Variants in DCC observed in about 807,000 individuals in gnomAD.
DCC encodes netrin receptor DCC.
In DCC, 58 loss-of-function variants were observed where a neutral mutation model predicts 172.5. The ratio of observed to expected loss-of-function variants is 0.34; its 90% confidence interval spans 0.27 to 0.42. DCC has a LOEUF of 0.42. DCC is among the 10% of genes least tolerant of loss of function. The probability of loss-of-function intolerance (pLI) is 1.00; values close to 1 mark genes in which losing one functional copy is unlikely to be tolerated. For missense variants in DCC, 1,740 were observed against 1,791.0 expected (o/e 0.97, Z 0.51); for synonymous variants, 709 against 644.5 (o/e 1.10, Z -1.52).
intron 2 of DCC, among the ~76,000 whole-genome samples, chr18:52,836,858 C>T (rs2038715156): frequency 6.6e-6 from 1 of 152,254 alleles, no homozygotes; most frequent in African/African-American, 2.4e-5. Flanking sequence ...CATTTCCCTT[C>T]TATACTGCCC....
chr18:53,439,679 T>C (rs1173581058), intron 22 of DCC, among the ~76,000 whole-genome samples: 3 of 152,148 alleles, frequency 2.0e-5, no homozygotes, highest in Admixed American at 1.3e-4. Flanking sequence ...AAGCCCTTAA[T>C]TAAATGGTAG....
intron 12 of DCC, among the ~76,000 whole-genome samples, chr18:53,262,049 G>GTTA (rs2056612075): frequency 6.6e-6 from 1 of 152,148 alleles, no homozygotes; most frequent in East Asian, 1.9e-4. Flanking sequence ...CAGAAAAGTT[G>GTTA]TTTTATCTAA....
At chr18:53,121,984 A>G (rs1442130328) in intron 7 of DCC, among the ~76,000 whole-genome samples, 2 of 152,006 alleles carry the variant, frequency 1.3e-5, no homozygotes, top group Non-Finnish European at 2.9e-5. Flanking sequence ...TATTTTGAGA[A>G]AGAACACAAT....
At chr18:53,519,713 C>T (rs1423749277) in intron 27 of DCC, among the ~76,000 whole-genome samples, 20 of 151,664 alleles carry the variant, frequency 1.3e-4, no homozygotes, top group Admixed American at 1.2e-3. Flanking sequence ...CTATGAAAAG[C>T]GTTCATGTTT....
chr18:53,407,552 T>TATATATATATATATATATATATAC (rs1909740477), intron 19 of DCC, among the ~76,000 whole-genome samples: 1 of 146,006 alleles, frequency 6.8e-6, no homozygotes, highest in African/African-American at 2.5e-5. Flanking sequence ...TATATATATA[T>TATATATATATATATATATATATAC]ATATTCACTA....
intron 2 of DCC, among the ~76,000 whole-genome samples, chr18:52,868,037 A>G (rs72922230): frequency 0.34 from 45,318 of 134,692 alleles, 8,164 homozygotes; most frequent in Middle Eastern, 0.44. Flanking sequence ...ATGTGTGTAT[A>G]TATATATATA....
chr18:52,956,924 C>A (rs1202557337), intron 5 of DCC, among the ~76,000 whole-genome samples: 7 of 152,008 alleles, frequency 4.6e-5, no homozygotes, highest in Non-Finnish European at 5.9e-5. Flanking sequence ...TACACTTTTT[C>A]CAGTTGAGTT....
intron 12 of DCC, among the ~76,000 whole-genome samples, chr18:53,220,999 A>C (rs2055924026): frequency 6.6e-6 from 1 of 152,118 alleles, no homozygotes; most frequent in South Asian, 2.1e-4. Flanking sequence ...GAATCAGATA[A>C]TTTGTAAGAA....
intron 3 of DCC, among the ~76,000 whole-genome samples, chr18:52,918,757 G>T (rs2040076578): frequency 6.6e-6 from 1 of 151,936 alleles, no homozygotes; most frequent in Admixed American, 6.6e-5. Flanking sequence ...GAAAAATAAG[G>T]CAGATATCTA....
At chr18:52,817,041 G>T (rs994578346) in intron 2 of DCC, among the ~76,000 whole-genome samples, 1 of 151,802 alleles carries the variant, frequency 6.6e-6, no homozygotes, top group African/African-American at 2.4e-5. Flanking sequence ...CGCTAAAATT[G>T]GAAATAATGT....
At chr18:52,984,681 T>C (rs2041264599) in intron 5 of DCC, among the ~76,000 whole-genome samples, 1 of 152,126 alleles carries the variant, frequency 6.6e-6, no homozygotes. Flanking sequence ...TTTTGTTAGA[T>C]TAATTATAGA....
At chr18:52,576,001 T>A (rs1252063634) in intron 1 of DCC, among the ~76,000 whole-genome samples, 3 of 152,194 alleles carry the variant, frequency 2.0e-5, no homozygotes, top group African/African-American at 7.2e-5. Context: ...TCTCCAGACT[T>A]CTTCATCCTG....
At chr18:52,786,462 T>TAA (rs369854671) in intron 2 of DCC, among the ~76,000 whole-genome samples, 51 of 152,094 alleles carry the variant, frequency 3.4e-4, no homozygotes, top group African/African-American at 1.1e-3. Context: ...TCATTTTTGG[T>TAA]AAAAAAACAA....
chr18:52,567,691 G>A (rs2033191595), intron 1 of DCC, among the ~76,000 whole-genome samples: 1 of 152,092 alleles, frequency 6.6e-6, no homozygotes, highest in Non-Finnish European at 1.5e-5. Context: ...TGAGTGATGA[G>A]AAATTACTTC....
At chr18:53,148,908 G>T (rs989615825) in intron 7 of DCC, among the ~76,000 whole-genome samples, 4 of 120,582 alleles carry the variant, frequency 3.3e-5, no homozygotes, top group Admixed American at 9.0e-5. Context: ...CTGTTGCCCA[G>T]GCTGGAGTGC....
intron 13 of DCC, among the ~76,000 whole-genome samples, chr18:53,320,365 C>A (rs1329552269): frequency 1.3e-5 from 2 of 152,142 alleles, no homozygotes; most frequent in Non-Finnish European, 2.9e-5. Context: ...AGCCACCGCG[C>A]CCGGCCAAGA....
chr18:52,594,345 G>T (rs757678820), intron 1 of DCC, among the ~76,000 whole-genome samples: 2 of 152,084 alleles, frequency 1.3e-5, no homozygotes, highest in African/African-American at 2.4e-5. Context: ...CATTGTTTAG[G>T]CTATTTTTCC....
intron 1 of DCC, among the ~76,000 whole-genome samples, chr18:52,660,147 T>C (rs909622148): frequency 6.6e-6 from 1 of 152,144 alleles, no homozygotes; most frequent in African/African-American, 2.4e-5. Context: ...ATTTGGTGTG[T>C]AAACATATTA....
intron 5 of DCC, among the ~76,000 whole-genome samples, chr18:53,024,292 T>C (rs2041925327): frequency 1.3e-5 from 2 of 152,120 alleles, no homozygotes; most frequent in South Asian, 2.1e-4. Flanking sequence ...CTTTTGGGAA[T>C]AGGGACAAAT....
Sources: allele counts gnomAD v4.1 joint callset (sites outside exome capture counted in the v4.1 genomes callset), GRCh38; gene constraint gnomAD v4.1.1; transcripts MANE v1.5; gene names NCBI Gene and HGNC (gene_info 2026-07-23, HGNC 2026-07-21).